The following CRYBA4 variants were observed in gnomAD, a reference collection of about 807,000 sequenced individuals.
The protein encoded by CRYBA4 is crystallin beta A4.
CRYBA4 carries 30 observed loss-of-function variants against 31.7 expected under a neutral mutation model. That is an observed-to-expected ratio of 0.95 (90% CI 0.71 to 1.28). The LOEUF (loss-of-function observed/expected upper bound fraction) is 1.28, where lower values mean the gene tolerates loss of function less well. Ranked by LOEUF, CRYBA4 falls within the 50% of genes most tolerant of loss-of-function variation. The pLI, the probability that CRYBA4 is intolerant of heterozygous loss-of-function variation, is 0.00. For missense variants in CRYBA4, 225 were observed against 260.7 expected (o/e 0.86, Z 0.94); for synonymous variants, 102 against 102.3 (o/e 1.00, Z 0.02).
At chr22:26,599,663 A>G in the CRYBA4 span, 1 of 1,614,056 alleles carries the variant, frequency 6.2e-7, no homozygotes, top group Non-Finnish European at 8.5e-7. Flanking sequence ...GGATACTGAT[A>G]GCCAACCCAT....
At chr22:26,590,264 T>A in the CRYBA4 span, 1 of 140,952 alleles carries the variant, frequency 7.1e-6, no homozygotes, top group African/African-American at 2.7e-5. Flanking sequence ...GGTCGGGAAG[T>A]TTCCCGGAGG....
intron 4 of CRYBA4, among the ~76,000 whole-genome samples, chr22:26,627,524 CT>C (rs1569211989): frequency 6.4e-5 from 4 of 62,126 alleles, no homozygotes; most frequent in Non-Finnish European, 7.0e-5. Context: ...TTCTTTCTTT[CT>C]CTTTCTTTCC....
At chr22:26,623,930 A>G (rs906037862) in intron 3 of CRYBA4, among the ~76,000 whole-genome samples, 1 of 152,262 alleles carries the variant, frequency 6.6e-6, no homozygotes, top group African/African-American at 2.4e-5. Flanking sequence ...TACACCATCC[A>G]TTTCAGAGCC....
chr22:26,607,527 A>G, the CRYBA4 span, among the ~76,000 whole-genome samples: 1 of 146,180 alleles, frequency 6.8e-6, no homozygotes, highest in Non-Finnish European at 1.5e-5. Context: ...ACTGTACACC[A>G]GGCTGGGGGA....
Position 26,621,996 on chromosome 22 carries a change from A to G in CRYBA4, c.-13+10A>G. 5.1e-6 allele frequency: 5 copies of G among 984,726 alleles called. No individual in the cohort carries two copies. Among genetic ancestry groups the G allele is most frequent in the Non-Finnish European group, 6.0e-6 (5 of 828,938 alleles). The allele number at this position is 984,726 out of a possible 1,614,324, so 61.0% of individuals were successfully genotyped here. On this transcript the variant is annotated intron_variant, in intron 1 of 5. Coordinates refer to ENST00000354760, the MANE Select transcript of CRYBA4 (RefSeq NM_001886.3). ...CCCTGGGCCTATCTCGGTAAGTCCC[A>G]GGTTTGGAGGAGGGGTGGGATCAGA...
the CRYBA4 span, among the ~76,000 whole-genome samples, chr22:26,607,259 G>T: frequency 6.6e-6 from 1 of 151,722 alleles, no homozygotes; most frequent in Non-Finnish European, 1.5e-5. Flanking sequence ...CTGACCTTGG[G>T]TAACCACCCA....
upstream of CRYBA4, among the ~76,000 whole-genome samples, chr22:26,617,192 G>T (rs373324030): frequency 3.9e-5 from 6 of 152,276 alleles, 1 homozygote; most frequent in African/African-American, 1.4e-4. Context: ...GGCTTTGGGT[G>T]GAGAGGGCTT....
chr22:26,592,136 C>T, the CRYBA4 span, among the ~76,000 whole-genome samples: 1 of 152,134 alleles, frequency 6.6e-6, no homozygotes, highest in African/African-American at 2.4e-5. Flanking sequence ...TTATTGCGTG[C>T]ATGTTAGAGA....
At chr22:26,610,200 T>C in the CRYBA4 span, among the ~76,000 whole-genome samples, 1 of 152,170 alleles carries the variant, frequency 6.6e-6, no homozygotes. Flanking sequence ...AATTTTAATT[T>C]ATAAGATATG....
chr22:26,627,478 CTT>C (rs1426480623), intron 4 of CRYBA4, among the ~76,000 whole-genome samples: 46 of 55,226 alleles, frequency 8.3e-4, no homozygotes, highest in East Asian at 5.8e-3. Context: ...CTTTCTTTCT[CTT>C]TCTTTCCTTT....
the CRYBA4 span, among the ~76,000 whole-genome samples, chr22:26,598,697 T>C: frequency 2.7e-4 from 41 of 152,324 alleles, no homozygotes; most frequent in Middle Eastern, 3.4e-3. Context: ...GTGATTGCTT[T>C]CTATGTATAT....
the CRYBA4 span, chr22:26,601,746 C>T: frequency 6.9e-7 from 1 of 1,440,336 alleles, no homozygotes; most frequent in African/African-American, 1.4e-5. Flanking sequence ...ATCCCAGGAA[C>T]CAGCACTGGG....
the CRYBA4 span, among the ~76,000 whole-genome samples, chr22:26,591,197 C>A: frequency 6.6e-6 from 1 of 152,078 alleles, no homozygotes; most frequent in Non-Finnish European, 1.5e-5. Flanking sequence ...ATGGTGAAAC[C>A]TCGTTTCTAA....
upstream of CRYBA4, among the ~76,000 whole-genome samples, chr22:26,621,376 C>T (rs188118828): frequency 6.6e-6 from 1 of 152,312 alleles, no homozygotes; most frequent in East Asian, 1.9e-4. Context: ...AAGTTCCCAC[C>T]TCTGAACTTT....
At chr22:26,620,445 A>C (rs1929497551), upstream of CRYBA4, among the ~76,000 whole-genome samples, 1 of 152,076 alleles carries the variant, frequency 6.6e-6, no homozygotes, top group South Asian at 2.1e-4. Flanking sequence ...TAACATGCTT[A>C]AAAGTTACCC....
At chr22:26,629,575 C>CTACTAAAAATACAAAAAA (rs1929857082) in intron 5 of CRYBA4, among the ~76,000 whole-genome samples, 1 of 151,774 alleles carries the variant, frequency 6.6e-6, no homozygotes, top group African/African-American at 2.4e-5. Flanking sequence ...AAGCCCGTCT[C>CTACTAAAAATACAAAAAA]TACTAAAAAT....
chr22:26,619,211 CAAAG>C (rs1448594968), upstream of CRYBA4, among the ~76,000 whole-genome samples: 8 of 152,118 alleles, frequency 5.3e-5, no homozygotes, highest in Non-Finnish European at 1.0e-4. Flanking sequence ...AAGTAACAGA[CAAAG>C]AGAGAGGTGG....
At chr22:26,612,078 G>A in the CRYBA4 span, 32 of 1,611,302 alleles carry the variant, frequency 2.0e-5, no homozygotes, top group African/African-American at 1.2e-4. Flanking sequence ...TCACGGTCCC[G>A]CGGAGACAAT....
intron 4 of CRYBA4, 82 bp from the exon 5 acceptor site, chr22:26,628,206 G>A: frequency 6.3e-7 from 1 of 1,596,450 alleles, no homozygotes; most frequent in Non-Finnish European, 8.6e-7. Flanking sequence ...GGAGACAAGG[G>A]CAGGGAGTGT....
Sources: gnomAD v4.1 joint callset for allele counts (sites outside exome capture counted in the v4.1 genomes callset) on GRCh38, gnomAD v4.1.1 for gene constraint, MANE v1.5 for transcripts, NCBI Gene and HGNC (gene_info 2026-07-23, HGNC 2026-07-21) for gene names.